The following LARGE1 variants were observed in gnomAD, a reference collection of about 807,000 sequenced individuals.
LARGE1 encodes LARGE xylosyl- and glucuronyltransferase 1, also known as xylosyl- and glucuronyltransferase LARGE1.
In LARGE1, 43 loss-of-function variants were observed where a neutral mutation model predicts 87.6. The observed-to-expected ratio is 0.49, with a 90% CI of 0.38 to 0.63. LARGE1 has a LOEUF of 0.63. Ranked by LOEUF, LARGE1 falls within the 30% of genes least tolerant of loss-of-function variation. LARGE1 has a pLI of 0.00. For missense variants in LARGE1, 802 were observed against 1,000.2 expected (o/e 0.80, Z 2.67); for synonymous variants, 434 against 394.6 (o/e 1.10, Z -1.18).
chr22:33,844,795 A>G (rs928610715), intron 1 of LARGE1, among the ~76,000 whole-genome samples: 11 of 150,274 alleles, frequency 7.3e-5, no homozygotes, highest in Non-Finnish European at 1.6e-4. Context: ...ATCTCGGCTC[A>G]CTGCAACCTC....
intron 1 of LARGE1, among the ~76,000 whole-genome samples, chr22:33,908,247 G>C (rs1252437916): frequency 6.6e-6 from 1 of 152,198 alleles, no homozygotes; most frequent in Non-Finnish European, 1.5e-5. Flanking sequence ...CTGAGATGCA[G>C]TTTTACTGAA....
At chr22:33,076,376 G>C in the LARGE1 span, among the ~76,000 whole-genome samples, 1 of 152,140 alleles carries the variant, frequency 6.6e-6, no homozygotes, top group Non-Finnish European at 1.5e-5. Context: ...TAGGAGCTTA[G>C]TTCTTGGCTT....
intron 11 of LARGE1, among the ~76,000 whole-genome samples, chr22:33,254,202 C>T (rs1927145945): frequency 6.6e-6 from 1 of 152,122 alleles, no homozygotes; most frequent in South Asian, 2.1e-4. Flanking sequence ...AGGAGTGCTC[C>T]TATTGAAGGT....
At position 33,309,895 on chromosome 22, in the gene LARGE1, C is replaced by T. The variant is rs778225806; in HGVS notation, c.1452-5388G>A. On this transcript the variant is annotated intron_variant, in intron 11 of 14. Transcript: ENST00000397394. Reference sequence around the variant, plus strand: ...GATGGGCCTTGAAGACCACAGCAGGCGGGTGGGACACTGTTCCACATGTAA... The same window carrying T: ...GATGGGCCTTGAAGACCACAGCAGGTGGGTGGGACACTGTTCCACATGTAA... 2.2e-4 allele frequency among the ~76,000 whole-genome samples: 33 copies of T among 152,190 alleles called. 2 individuals carry two copies. The highest frequency in any genetic ancestry group is 2.0e-3 in the Admixed American group (31 of 15,272).
the LARGE1 span, among the ~76,000 whole-genome samples, chr22:33,115,365 T>A: frequency 6.6e-6 from 1 of 150,984 alleles, no homozygotes; most frequent in Non-Finnish European, 1.5e-5. Context: ...GATCACGAGG[T>A]CAGGAGTTCA....
intron 9 of LARGE1, among the ~76,000 whole-genome samples, chr22:33,343,334 G>A (rs986717295): frequency 1.3e-5 from 2 of 152,038 alleles, no homozygotes; most frequent in African/African-American, 4.8e-5. Flanking sequence ...TGTCCAGGCT[G>A]GTCTCAAACT....
chr22:33,769,125 T>C (rs2084990893), intron 1 of LARGE1, among the ~76,000 whole-genome samples: 1 of 152,008 alleles, frequency 6.6e-6, no homozygotes, highest in Admixed American at 6.6e-5. Flanking sequence ...GAAAGCAGAG[T>C]TTCTCAACAC....
At chr22:33,568,005 A>G (rs1330016830) in intron 5 of LARGE1, among the ~76,000 whole-genome samples, 2 of 152,196 alleles carry the variant, frequency 1.3e-5, no homozygotes, top group Admixed American at 1.3e-4. Context: ...GATTTAATAA[A>G]AGGACTATTT....
rs1261453531 is a variant in LARGE1 at position 33,272,535 on chromosome 22, CAT to C, written c.*1890_*1891del. Among the ~76,000 whole-genome samples, 14 of 152,152 alleles carry C rather than the reference CAT, an allele frequency of 9.2e-5. No homozygotes were observed. Among genetic ancestry groups the C allele is most frequent in the African/African-American group, 2.9e-4 (12 of 41,420 alleles). On this transcript the variant is annotated 3_prime_UTR_variant, in exon 15 of 15. Coordinates refer to ENST00000397394, the MANE Select transcript of LARGE1 (RefSeq NM_133642.5). ...TTCAAAATTTTTGTTCTGCTTTATA[CAT>C]ATATGTCACTTTTTATTTATAAATG...
chr22:33,223,585 A>C (rs987816985), intron 11 of LARGE1, among the ~76,000 whole-genome samples: 7 of 152,176 alleles, frequency 4.6e-5, no homozygotes, highest in African/African-American at 1.7e-4. Flanking sequence ...GATGGTTCTT[A>C]TACCATATTA....
chr22:33,498,916 G>A (rs758403670), intron 6 of LARGE1, among the ~76,000 whole-genome samples: 2 of 152,124 alleles, frequency 1.3e-5, no homozygotes, highest in Non-Finnish European at 1.5e-5. Context: ...AGGTTGCAGT[G>A]AGCCGAGATC....
intron 1 of LARGE1, among the ~76,000 whole-genome samples, chr22:33,790,329 T>G (rs62225443): frequency 0.073 from 11,053 of 152,266 alleles, 520 homozygotes; most frequent in Admixed American, 0.11. Flanking sequence ...TTACCCACTG[T>G]CCAGTATGTC....
intron 2 of LARGE1, among the ~76,000 whole-genome samples, chr22:33,658,230 G>A (rs1316668481): frequency 6.6e-6 from 1 of 152,162 alleles, no homozygotes; most frequent in Non-Finnish European, 1.5e-5. Context: ...CAACCTAGAT[G>A]AATTCATATA....
At chr22:33,652,940 T>C (rs1029079323) in intron 2 of LARGE1, among the ~76,000 whole-genome samples, 1 of 152,204 alleles carries the variant, frequency 6.6e-6, no homozygotes, top group African/African-American at 2.4e-5. Context: ...CAAAGGCCGA[T>C]GCAGAATTGG....
At chr22:33,559,398 T>C (rs112900785) in intron 6 of LARGE1, among the ~76,000 whole-genome samples, 45 of 152,290 alleles carry the variant, frequency 3.0e-4, no homozygotes, top group African/African-American at 9.4e-4. Context: ...GCCAGGCTGG[T>C]CTCAAACTCC....
chr22:33,832,348 T>C (rs1438085057), intron 1 of LARGE1, among the ~76,000 whole-genome samples: 1 of 152,110 alleles, frequency 6.6e-6, no homozygotes, highest in Non-Finnish European at 1.5e-5. Context: ...GTGAGCTCTG[T>C]CTAAAGAACA....
At chr22:33,251,980 A>C (rs1270354268) in intron 11 of LARGE1, among the ~76,000 whole-genome samples, 1 of 152,200 alleles carries the variant, frequency 6.6e-6, no homozygotes, top group Non-Finnish European at 1.5e-5. Context: ...CTGAAGTCTA[A>C]ATGCATCCCA....
At chr22:33,424,703 T>C (rs1348972574) in intron 7 of LARGE1, among the ~76,000 whole-genome samples, 1 of 152,014 alleles carries the variant, frequency 6.6e-6, no homozygotes, top group African/African-American at 2.4e-5. Flanking sequence ...TGCACAGCTG[T>C]AGTCCAAGCT....
intron 1 of LARGE1, among the ~76,000 whole-genome samples, chr22:33,883,346 G>C (rs552648514): frequency 6.6e-6 from 1 of 152,320 alleles, no homozygotes; most frequent in South Asian, 2.1e-4. Flanking sequence ...CAGGGTCATA[G>C]AGAATGTAAG....
Sources: gnomAD v4.1 joint callset for allele counts (sites outside exome capture counted in the v4.1 genomes callset) on GRCh38, gnomAD v4.1.1 for gene constraint, MANE v1.5 for transcripts, NCBI Gene and HGNC (gene_info 2026-07-23, HGNC 2026-07-21) for gene names.